The following ATP5MG variants were observed in gnomAD, a reference collection of about 807,000 sequenced individuals.
The protein encoded by ATP5MG is ATP synthase F(0) complex subunit g, mitochondrial.
In ATP5MG, 7 loss-of-function variants were observed where a neutral mutation model predicts 12.7. That is an observed-to-expected ratio of 0.55 (90% CI 0.31 to 1.04). ATP5MG has a LOEUF of 1.04. Among genes scored for constraint, ATP5MG ranks in the 50% least tolerant of loss-of-function variants. The pLI, the probability that ATP5MG is intolerant of heterozygous loss-of-function variation, is 0.05. For synonymous variants in ATP5MG, 53 were observed against 48.2 expected, an observed-to-expected ratio of 1.10 and a Z score of -0.41; for missense variants, 116 against 126.7, an observed-to-expected ratio of 0.92 and a Z score of 0.41.
chr11:118,404,432 C>T (rs1948955824), intron 1 of ATP5MG, among the ~76,000 whole-genome samples: 1 of 152,182 alleles, frequency 6.6e-6, no homozygotes, highest in Non-Finnish European at 1.5e-5. Context: ...CCAGTCTTCC[C>T]TCATCTTTCC....
rs1555132810 is a variant in ATP5MG at position 118,409,638 on chromosome 11, T to TG, written c.*540_*541insG. 6.6e-6 allele frequency: 1 copy of TG among 152,220 alleles called. No homozygotes were observed. Among genetic ancestry groups the TG allele is most frequent in the Non-Finnish European group, 1.5e-5 (1 of 68,040 alleles). The allele number at this position is 152,220 out of a possible 1,614,324, so 9.4% of individuals were successfully genotyped here. ...CTCCCCAAGAGAGAACAGGGTGGTA[T>TG]TCTAAGTATGTTTCTTTGTAACATC... On this transcript the variant is annotated 3_prime_UTR_variant, in exon 3 of 3. Coordinates refer to ENST00000300688, the MANE Select transcript of ATP5MG (RefSeq NM_006476.5).
In ATP5MG at chr11:118,401,946, AC is replaced by A. The variant is rs554273074; in HGVS notation, c.52+231del. On this transcript the variant is annotated intron_variant, in intron 1 of 2. Transcript: ENST00000300688. ...ACAACCTAGAAGTTCCTGAATTCTA[AC>A]CACGACTGGGAAGAGAGGTAGTGTG... is the stretch of plus-strand genomic sequence containing the variant. 6.4e-4 allele frequency: 338 copies of A among 525,834 alleles called. 7 individuals are homozygous for A. In the Middle Eastern group the frequency reaches 8.1e-3, roughly 13 times the overall value. 32.6% of individuals were successfully genotyped at this position (525,834 alleles called of 1,614,324 possible).
chr11:118,403,807 AAAACT>A (rs1474959339), intron 1 of ATP5MG: 22 of 151,948 alleles, frequency 1.4e-4, no homozygotes, highest in African/African-American at 5.1e-4. Context: ...AAAAAAAAAA[AAAACT>A]AAAGAGAAAA....
intron 1 of ATP5MG, among the ~76,000 whole-genome samples, chr11:118,402,714 T>TC (rs1176171821): frequency 6.7e-6 from 1 of 150,064 alleles, no homozygotes; most frequent in East Asian, 1.9e-4. Context: ...TTTTTTTTTT[T>TC]CCTAGAAGAC....
At chr11:118,405,829 G>A (rs1223307205) in intron 1 of ATP5MG, 1 of 395,354 alleles carries the variant, frequency 2.5e-6, no homozygotes, top group Non-Finnish European at 3.4e-6. Context: ...TTGAACAGTA[G>A]ACACTTTATG....
chr11:118,403,621 C>A (rs1948948337), intron 1 of ATP5MG, among the ~76,000 whole-genome samples: 2 of 151,974 alleles, frequency 1.3e-5, no homozygotes, highest in East Asian at 3.9e-4. Flanking sequence ...TATGGTGAAA[C>A]CTCGTCTCTA....
intron 1 of ATP5MG, among the ~76,000 whole-genome samples, chr11:118,405,352 C>T (rs1406927575): frequency 6.6e-6 from 1 of 152,118 alleles, no homozygotes; most frequent in Admixed American, 6.6e-5. Context: ...AACTCTAACC[C>T]AGTACTGTGG....
chr11:118,405,731 C>T (rs898724668), intron 1 of ATP5MG: 2 of 983,524 alleles, frequency 2.0e-6, no homozygotes, highest in Non-Finnish European at 2.4e-6. Context: ...TCCCCAAACA[C>T]AGAAGATGAG....
At chr11:118,401,856 A>G (rs1948930372) in intron 1 of ATP5MG, 139 bp downstream of exon 1, 21 of 1,029,978 alleles carry the variant, frequency 2.0e-5, no homozygotes, top group Non-Finnish European at 2.9e-5. Flanking sequence ...TGGAGGGAGC[A>G]GGAAGCAGGT....
Position 118,402,866 on chromosome 11 carries a change from A to G in ATP5MG, c.52+1149A>G, listed in dbSNP as rs1321962483. On this transcript the variant is annotated intron_variant, in intron 1 of 2. Transcript: ENST00000300688. ...AGGCACGCACCACCACACCCAGCTAATTTTTGTATGTTTTAAGAGACGGGA... is the reference window on the plus strand; with the variant it reads ...AGGCACGCACCACCACACCCAGCTAGTTTTTGTATGTTTTAAGAGACGGGA... Among the ~76,000 whole-genome samples, 5 of 151,624 alleles carry G rather than the reference A, an allele frequency of 3.3e-5. No homozygotes were observed. In the East Asian group the frequency reaches 9.7e-4, roughly 29 times the overall value.
rs1555132845 is a variant in ATP5MG, at chr11:118,409,827, A to G, written c.*729A>G. ...TCTAAATAGTATATTATATCCTGAA[A>G]TAAATGAAATGATTGCTATAGTCTG... On this transcript the variant is annotated 3_prime_UTR_variant, in exon 3 of 3. Coordinates refer to ENST00000300688, the MANE Select transcript of ATP5MG (RefSeq NM_006476.5). 1.3e-5 allele frequency: 2 copies of G among 152,222 alleles called. No individual in the cohort carries two copies. Among genetic ancestry groups the G allele is most frequent in the African/African-American group, 4.8e-5 (2 of 41,454 alleles). 9.4% of individuals were successfully genotyped at this position (152,222 alleles called of 1,614,324 possible).
At position 118,401,657 on chromosome 11, in the gene ATP5MG, T is replaced by G. The variant is rs1555131065; in HGVS notation, c.-9T>G. The stretch of plus-strand genomic sequence containing the variant: ...CGGTTCGGGGCGACGGACTCTCCAT[T>G]CCAGAACCATGGCCCAATTTGTCCG... On this transcript the variant is annotated 5_prime_UTR_variant, in exon 1 of 3. The change creates a new upstream start codon in the 5' untranslated region. Coordinates refer to ENST00000300688, the MANE Select transcript of ATP5MG (RefSeq NM_006476.5). 6.2e-7 allele frequency: 1 copy of G among 1,614,110 alleles called. No individual in the cohort carries two copies. The highest frequency in any genetic ancestry group is 1.7e-5 in the Admixed American group (1 of 60,018).
At chr11:118,406,793 T>C in intron 1 of ATP5MG, 144 bp from the exon 2 acceptor site, 2 of 1,302,300 alleles carry the variant, frequency 1.5e-6, no homozygotes, top group South Asian at 3.0e-5. Flanking sequence ...CAGCTTTGAC[T>C]TTTCACACCG....
intron 1 of ATP5MG, among the ~76,000 whole-genome samples, chr11:118,405,314 G>A (rs1437584115): frequency 6.6e-6 from 1 of 152,084 alleles, no homozygotes; most frequent in African/African-American, 2.4e-5. Context: ...CTGTCAGTCT[G>A]TGTATATATT....
Position 118,401,648 on chromosome 11 carries a change from A to C in ATP5MG, c.-18A>C, listed in dbSNP as rs1565544870. ...TTCAGCCGGCGGTTCGGGGCGACGG[A>C]CTCTCCATTCCAGAACCATGGCCCA... On this transcript the variant is annotated 5_prime_UTR_variant, in exon 1 of 3. Transcript: ENST00000300688. 6.2e-6 allele frequency: 10 copies of C among 1,613,674 alleles called. No individual in the cohort carries two copies. Among genetic ancestry groups the C allele is most frequent in the Non-Finnish European group, 8.5e-6 (10 of 1,179,912 alleles).
chr11:118,405,965 C>T (rs1555132024), intron 1 of ATP5MG, among the ~76,000 whole-genome samples: 1 of 152,162 alleles, frequency 6.6e-6, no homozygotes, highest in African/African-American at 2.4e-5. Flanking sequence ...CGTGTTCAAG[C>T]AATTCTTGTG....
At chr11:118,401,774 TG>T (rs1948929196) in intron 1 of ATP5MG, 57 bp downstream of exon 1, 5 of 1,587,658 alleles carry the variant, frequency 3.1e-6, no homozygotes, top group Non-Finnish European at 3.4e-6. Context: ...AGGCCTGCGA[TG>T]GCCTGAGAGG....
At position 118,401,650 on chromosome 11, in the gene ATP5MG, T is replaced by C; in HGVS notation, c.-16T>C. 6.2e-7 allele frequency: 1 copy of C among 1,614,066 alleles called. No individual in the cohort carries two copies. The highest frequency in any genetic ancestry group is 8.5e-7 in the Non-Finnish European group (1 of 1,179,988). ...CAGCCGGCGGTTCGGGGCGACGGAC[T>C]CTCCATTCCAGAACCATGGCCCAAT... is the stretch of plus-strand genomic sequence containing the variant. On this transcript the variant is annotated 5_prime_UTR_variant, in exon 1 of 3. Transcript: ENST00000300688.
At chr11:118,406,025 G>C (rs1948969201) in intron 1 of ATP5MG, 1 of 152,136 alleles carries the variant, frequency 6.6e-6, no homozygotes, top group African/African-American at 2.4e-5. Context: ...ACCATGCCCA[G>C]CTAATTTTTG....
Sources: gnomAD v4.1 joint callset for allele counts (sites outside exome capture counted in the v4.1 genomes callset) on GRCh38, gnomAD v4.1.1 for gene constraint, MANE v1.5 for transcripts, NCBI Gene and HGNC (gene_info 2026-07-23, HGNC 2026-07-21) for gene names.